Variants in CTNNA2 observed in about 807,000 individuals in gnomAD.
CTNNA2 encodes catenin alpha 2.
Under a neutral mutation model 101.0 loss-of-function variants are expected in CTNNA2, and 42 were observed. The observed-to-expected ratio is 0.42, with a 90% CI of 0.32 to 0.54. The LOEUF (loss-of-function observed/expected upper bound fraction) is 0.54. Among genes scored for constraint, CTNNA2 ranks in the 20% least tolerant of loss-of-function variants. The pLI is 0.14. For missense variants in CTNNA2, 871 were observed against 1,223.1 expected (o/e 0.71, Z 4.29); for synonymous variants, 450 against 456.4 (o/e 0.99, Z 0.18).
At chr2:79,628,305 T>A (rs1679452189) in intron 1 of CTNNA2, among the ~76,000 whole-genome samples, 1 of 151,910 alleles carries the variant, frequency 6.6e-6, no homozygotes, top group Non-Finnish European at 1.5e-5. Flanking sequence ...TACGAAAAAT[T>A]AGCCAGGTGT....
intron 7 of CTNNA2, among the ~76,000 whole-genome samples, chr2:80,247,162 C>T (rs1416670021): frequency 6.6e-6 from 1 of 152,040 alleles, no homozygotes; most frequent in South Asian, 2.1e-4. Context: ...TGATGACATT[C>T]GAAAGCTCTT....
intron 9 of CTNNA2, among the ~76,000 whole-genome samples, chr2:80,507,417 C>T (rs543225713): frequency 9.2e-5 from 14 of 152,102 alleles, no homozygotes; most frequent in African/African-American, 3.4e-4. Context: ...TATTTGAGTT[C>T]TCATAATGTA....
intron 2 of CTNNA2, among the ~76,000 whole-genome samples, chr2:79,700,582 C>A (rs936474365): frequency 4.0e-5 from 6 of 151,868 alleles, no homozygotes; most frequent in East Asian, 1.9e-4. Flanking sequence ...ACAACAACAA[C>A]AAAAAAAGAG....
intron 3 of CTNNA2, among the ~76,000 whole-genome samples, chr2:79,840,777 T>C (rs1285970287): frequency 6.6e-6 from 1 of 151,096 alleles, no homozygotes; most frequent in Non-Finnish European, 1.5e-5. Flanking sequence ...TTTTTTTTTT[T>C]TTTTTGAGAC....
At chr2:79,835,507 A>G (rs186661376) in intron 3 of CTNNA2, among the ~76,000 whole-genome samples, 77 of 151,996 alleles carry the variant, frequency 5.1e-4, no homozygotes, top group Admixed American at 5.1e-3. Flanking sequence ...TGGGCAATTG[A>G]GATTCTAATA....
At chr2:79,739,886 T>C (rs1195293154) in intron 2 of CTNNA2, among the ~76,000 whole-genome samples, 1 of 152,240 alleles carries the variant, frequency 6.6e-6, no homozygotes, top group Non-Finnish European at 1.5e-5. Flanking sequence ...TGATACTCAC[T>C]AACTGACTTG....
chr2:80,499,674 A>T (rs1461866350), intron 9 of CTNNA2, among the ~76,000 whole-genome samples: 4 of 152,104 alleles, frequency 2.6e-5, no homozygotes, highest in Non-Finnish European at 5.9e-5. Flanking sequence ...TACAAAAATC[A>T]GGCAGGCGTG....
intron 7 of CTNNA2, among the ~76,000 whole-genome samples, chr2:80,312,888 C>T (rs1158244150): frequency 6.6e-6 from 1 of 152,208 alleles, no homozygotes; most frequent in Non-Finnish European, 1.5e-5. Flanking sequence ...GATATAGAGA[C>T]ATGAGAATTG....
chr2:80,204,792 G>A (rs1433308424), intron 7 of CTNNA2, among the ~76,000 whole-genome samples: 1 of 150,408 alleles, frequency 6.6e-6, no homozygotes, highest in Non-Finnish European at 1.5e-5. Flanking sequence ...TTTTCATGCT[G>A]CTGATAAAGA....
chr2:79,749,019 G>A (rs1671828114), intron 3 of CTNNA2, among the ~76,000 whole-genome samples: 1 of 152,128 alleles, frequency 6.6e-6, no homozygotes, highest in Non-Finnish European at 1.5e-5. Flanking sequence ...CAGCAGGCTG[G>A]CAGAAGAACC....
intron 2 of CTNNA2, among the ~76,000 whole-genome samples, chr2:79,682,146 C>T (rs1384311930): frequency 1.3e-5 from 2 of 152,042 alleles, no homozygotes; most frequent in African/African-American, 4.8e-5. Context: ...CGGTGGCTCA[C>T]GCCTGTAATC....
intron 9 of CTNNA2, among the ~76,000 whole-genome samples, chr2:80,544,533 G>T (rs1036821094): frequency 4.6e-5 from 7 of 152,028 alleles, no homozygotes; most frequent in African/African-American, 1.7e-4. Context: ...GTATTTTGGG[G>T]GCAGGGCACC....
chr2:79,321,204 C>A (rs1676615530), intron 3 of CTNNA2, among the ~76,000 whole-genome samples: 1 of 152,084 alleles, frequency 6.6e-6, no homozygotes. Flanking sequence ...TTTTTCAGAA[C>A]AATAACTAAG....
intron 7 of CTNNA2, among the ~76,000 whole-genome samples, chr2:80,249,200 CTG>C (rs1558940088): frequency 6.6e-6 from 1 of 152,198 alleles, no homozygotes. Context: ...ATGTTTGACA[CTG>C]TTTTTCTCCT....
intron 9 of CTNNA2, among the ~76,000 whole-genome samples, chr2:80,507,484 A>T (rs1336307008): frequency 1.3e-5 from 2 of 152,180 alleles, no homozygotes; most frequent in African/African-American, 4.8e-5. Flanking sequence ...TCTATGACAC[A>T]TTTACTAATC....
intron 1 of CTNNA2, among the ~76,000 whole-genome samples, chr2:79,556,475 A>T (rs1674453189): frequency 6.6e-6 from 1 of 152,008 alleles, no homozygotes; most frequent in African/African-American, 2.4e-5. Flanking sequence ...TTTTTCATCT[A>T]GTTCAACAAA....
At position 80,303,846 on chromosome 2, in the gene CTNNA2, G is replaced by T. The variant is rs775079364; in HGVS notation, c.1057-89365G>T. 1 of 1,490,138 alleles carries T rather than the reference G, an allele frequency of 6.7e-7. No homozygotes were observed. The allele number at this position is 1,490,138 out of a possible 1,614,324, so 92.3% of individuals were successfully genotyped here. On this transcript the variant is annotated intron_variant, in intron 7 of 18. Coordinates refer to ENST00000402739, the MANE Select transcript of CTNNA2 (RefSeq NM_001282597.3). The surrounding 1 kb of genome is among the most constrained non-coding windows in gnomAD (Gnocchi z 7.7). Reference sequence around the variant, plus strand: ...AGCGAGAATCTTTCCAGAGAGACTGGAGAATGTCCATTGGAAGCGCTCGGT... The same window carrying T: ...AGCGAGAATCTTTCCAGAGAGACTGTAGAATGTCCATTGGAAGCGCTCGGT...
chr2:80,155,548 TTTC>T (rs1397051825), intron 7 of CTNNA2, among the ~76,000 whole-genome samples: 2 of 152,122 alleles, frequency 1.3e-5, no homozygotes, highest in Non-Finnish European at 2.9e-5. Flanking sequence ...TTCCTTTCCT[TTTC>T]TTCTTTTCTT....
At chr2:80,310,269 A>C (rs1677439345) in intron 7 of CTNNA2, among the ~76,000 whole-genome samples, 1 of 152,212 alleles carries the variant, frequency 6.6e-6, no homozygotes, top group South Asian at 2.1e-4. Context: ...AAACACTTAG[A>C]ATGGAAAGTC....
Sources: gnomAD v4.1 joint callset for allele counts (sites outside exome capture counted in the v4.1 genomes callset) on GRCh38, gnomAD v4.1.1 for gene constraint, Gnocchi (gnomAD v3.1) non-coding constraint, MANE v1.5 for transcripts, NCBI Gene and HGNC (gene_info 2026-07-23, HGNC 2026-07-21) for gene names.